NKAIN2: variants seen among roughly 807,000 people sequenced by gnomAD.
NKAIN2 encodes the protein sodium/potassium-transporting ATPase subunit beta-1-interacting protein 2.
NKAIN2 carries 14 observed loss-of-function variants against 32.6 expected under a neutral mutation model. That is an observed-to-expected ratio of 0.43 (90% CI 0.28 to 0.67). The LOEUF is 0.67. Ranked by LOEUF, NKAIN2 falls within the 30% of genes least tolerant of loss-of-function variation. The pLI, the probability that NKAIN2 is intolerant of heterozygous loss-of-function variation, is 0.17. For missense variants in NKAIN2, 198 were observed against 258.3 expected (o/e 0.77, Z 1.60); for synonymous variants, 80 against 87.2 (o/e 0.92, Z 0.46).
chr6:124,492,973 T>A (rs549590427), intron 3 of NKAIN2, among the ~76,000 whole-genome samples: 50 of 152,036 alleles, frequency 3.3e-4, no homozygotes, highest in African/African-American at 8.7e-4. Flanking sequence ...TTAGATGAGT[T>A]CAGGCAATAC....
intron 1 of NKAIN2, among the ~76,000 whole-genome samples, chr6:124,120,394 A>G (rs1479334717): frequency 1.3e-5 from 2 of 152,306 alleles, no homozygotes; most frequent in South Asian, 2.1e-4. Flanking sequence ...AGTGGATAAT[A>G]ATAGTATCAA....
intron 5 of NKAIN2, among the ~76,000 whole-genome samples, chr6:124,795,602 T>A (rs1198567097): frequency 6.6e-6 from 1 of 152,178 alleles, no homozygotes; most frequent in South Asian, 2.1e-4. Flanking sequence ...CAACATATTA[T>A]AAGTAAGGTG....
rs1473572416 is a variant in NKAIN2, at chr6:123,911,807, A to ATATATATGTATATATATATATATG, written c.54+107559_54+107560insTGTATATATATATATATGTATATA. On this transcript the variant is annotated intron_variant, in intron 1 of 6. Coordinates refer to ENST00000368417, the MANE Select transcript of NKAIN2 (RefSeq NM_001040214.3). ...CATATATATATATATATATGTATAT[A>ATATATATGTATATATATATATATG]TATATACACACACACACACACACAC... is the stretch of plus-strand genomic sequence containing the variant. 3.4e-3 allele frequency among the ~76,000 whole-genome samples: 351 copies of ATATATATGTATATATATATATATG among 103,620 alleles called. 22 individuals are homozygous for ATATATATGTATATATATATATATG. The highest frequency in any genetic ancestry group is 9.9e-3 in the African/African-American group (226 of 22,812). The allele number at this position is 103,620 out of a possible 152,430, so 68.0% of individuals were successfully genotyped here. A position where few individuals can be genotyped will look rare whatever the true frequency, so the allele number is the denominator to read the frequency against.
intron 3 of NKAIN2, among the ~76,000 whole-genome samples, chr6:124,448,425 A>G (rs1362956481): frequency 1.3e-5 from 2 of 152,164 alleles, no homozygotes; most frequent in African/African-American, 2.4e-5. Flanking sequence ...CCCTTCAATA[A>G]TCAAACAATA....
At chr6:123,896,247 TAAC>T (rs1021950908) in intron 1 of NKAIN2, among the ~76,000 whole-genome samples, 43 of 152,308 alleles carry the variant, frequency 2.8e-4, no homozygotes, top group African/African-American at 1.0e-3. Context: ...TTACTGCCCT[TAAC>T]AACAGAATCC....
intron 2 of NKAIN2, among the ~76,000 whole-genome samples, chr6:124,339,553 C>G (rs1798032636): frequency 6.6e-6 from 1 of 152,048 alleles, no homozygotes; most frequent in Admixed American, 6.6e-5. Flanking sequence ...CATCTTCAAC[C>G]CCCTCTCTGC....
chr6:124,627,593 C>A (rs1783403686), intron 3 of NKAIN2, among the ~76,000 whole-genome samples: 1 of 152,064 alleles, frequency 6.6e-6, no homozygotes, highest in African/African-American at 2.4e-5. Flanking sequence ...TGTCAACAGA[C>A]CTTACTTTTC....
chr6:124,781,938 C>T (rs1394957312), intron 4 of NKAIN2, among the ~76,000 whole-genome samples: 1 of 152,096 alleles, frequency 6.6e-6, no homozygotes, highest in Non-Finnish European at 1.5e-5. Flanking sequence ...ACATTTTATT[C>T]CCCTGGAGGG....
intron 1 of NKAIN2, among the ~76,000 whole-genome samples, chr6:124,074,729 C>T (rs1480100857): frequency 1.3e-5 from 2 of 152,144 alleles, no homozygotes; most frequent in African/African-American, 2.4e-5. Flanking sequence ...AAATCTTAAT[C>T]CTTGTTTAGC....
intron 3 of NKAIN2, among the ~76,000 whole-genome samples, chr6:124,462,369 C>A (rs1417501488): frequency 6.6e-6 from 1 of 151,918 alleles, no homozygotes; most frequent in Non-Finnish European, 1.5e-5. Flanking sequence ...ACCAGACTTA[C>A]TAATTTAAAT....
intron 3 of NKAIN2, among the ~76,000 whole-genome samples, chr6:124,630,316 C>T (rs1406513243): frequency 6.6e-6 from 1 of 152,132 alleles, no homozygotes; most frequent in Non-Finnish European, 1.5e-5. Context: ...AATGGCTAAT[C>T]ATTACACATG....
At chr6:123,912,960 G>T (rs1582767088) in intron 1 of NKAIN2, among the ~76,000 whole-genome samples, 1 of 152,160 alleles carries the variant, frequency 6.6e-6, no homozygotes, top group Non-Finnish European at 1.5e-5. Context: ...TTTATTTGTA[G>T]TATCCCTAAG....
rs900699512 is a variant in NKAIN2 at position 124,772,797 on chromosome 6, G to A, written c.475-18542G>A. Among the ~76,000 whole-genome samples the A allele has an allele frequency of 6.6e-5, 10 of 152,124 alleles. No individual in the cohort carries two copies. The East Asian group carries it at 7.7e-4, about 12-fold the overall frequency. On this transcript the variant is annotated intron_variant, in intron 4 of 6. Transcript: ENST00000368417. Reference sequence around the variant, plus strand: ...AAAGTTCTGTTAACGAAAAAACTCAGACACTGTGGAATCCAAAAGCAGGAA... The same window carrying A: ...AAAGTTCTGTTAACGAAAAAACTCAAACACTGTGGAATCCAAAAGCAGGAA...
intron 1 of NKAIN2, among the ~76,000 whole-genome samples, chr6:123,891,038 G>A (rs905473437): frequency 2.6e-5 from 4 of 152,080 alleles, no homozygotes; most frequent in Non-Finnish European, 4.4e-5. Flanking sequence ...TTTCTTACAT[G>A]CTACAACATG....
At chr6:123,917,240 G>GTT (rs753108575) in intron 1 of NKAIN2, among the ~76,000 whole-genome samples, 2 of 146,006 alleles carry the variant, frequency 1.4e-5, no homozygotes, top group African/African-American at 5.0e-5. Flanking sequence ...GATTTTATCT[G>GTT]TTTTTTTTTT....
At chr6:124,366,227 T>C (rs1285205397) in intron 3 of NKAIN2, among the ~76,000 whole-genome samples, 1 of 152,036 alleles carries the variant, frequency 6.6e-6, no homozygotes, top group African/African-American at 2.4e-5. Flanking sequence ...TCCTTATCAA[T>C]AGTGATTAAA....
chr6:124,090,874 G>A (rs944981522), intron 1 of NKAIN2, among the ~76,000 whole-genome samples: 1 of 151,928 alleles, frequency 6.6e-6, no homozygotes, highest in African/African-American at 2.4e-5. Context: ...GTTATTTGAA[G>A]AACCAAATGA....
chr6:123,950,972 T>C (rs534399321), intron 1 of NKAIN2, among the ~76,000 whole-genome samples: 2 of 152,142 alleles, frequency 1.3e-5, no homozygotes, highest in South Asian at 4.1e-4. Flanking sequence ...TCATAGATTT[T>C]TGTGTGTTAT....
chr6:123,865,847 A>T (rs1233505361), intron 1 of NKAIN2, among the ~76,000 whole-genome samples: 2 of 152,252 alleles, frequency 1.3e-5, no homozygotes, highest in Non-Finnish European at 2.9e-5. Context: ...TTGTAATGAG[A>T]GAAAAAGACA....
Sources: allele counts gnomAD v4.1 joint callset (sites outside exome capture counted in the v4.1 genomes callset), GRCh38; gene constraint gnomAD v4.1.1; transcripts MANE v1.5; gene names NCBI Gene and HGNC (gene_info 2026-07-23, HGNC 2026-07-21).